The following CNTNAP2 variants were observed in gnomAD, a reference collection of about 807,000 sequenced individuals.
CNTNAP2 encodes the protein contactin-associated protein-like 2.
A neutral mutation model predicts 155.2 loss-of-function variants in CNTNAP2; 98 were observed. The observed-to-expected ratio is 0.63, with a 90% CI of 0.54 to 0.75. The LOEUF is 0.75. Among genes scored for constraint, CNTNAP2 ranks in the 30% least tolerant of loss-of-function variants. The probability of loss-of-function intolerance (pLI) is 0.00; values close to 1 mark genes in which losing one functional copy is unlikely to be tolerated. For missense variants in CNTNAP2, 1,727 were observed against 1,688.1 expected (o/e 1.02, Z -0.40); for synonymous variants, 651 against 631.2 (o/e 1.03, Z -0.47).
intron 1 of CNTNAP2, among the ~76,000 whole-genome samples, chr7:146,616,498 G>T (rs546825525): frequency 2.6e-5 from 4 of 152,106 alleles, no homozygotes; most frequent in Non-Finnish European, 5.9e-5. Context: ...CTACCTCTTC[G>T]TCACTTAACC....
intron 9 of CNTNAP2, among the ~76,000 whole-genome samples, chr7:147,300,679 A>T (rs1794931822): frequency 6.6e-6 from 1 of 152,186 alleles, no homozygotes; most frequent in Non-Finnish European, 1.5e-5. Context: ...TGGATCAGGA[A>T]TTCAGTAGTA....
intron 18 of CNTNAP2, among the ~76,000 whole-genome samples, chr7:148,208,931 T>G (rs757491694): frequency 1.3e-5 from 2 of 152,196 alleles, no homozygotes; most frequent in Non-Finnish European, 2.9e-5. Flanking sequence ...TGTCCCAGTT[T>G]GAAAAGGGTG....
chr7:146,685,325 T>A (rs1348960173), intron 1 of CNTNAP2, among the ~76,000 whole-genome samples: 1 of 152,132 alleles, frequency 6.6e-6, no homozygotes, highest in Non-Finnish European at 1.5e-5. Context: ...ATAGATGATT[T>A]TATGATTGCC....
chr7:147,684,002 C>A (rs988889630), intron 13 of CNTNAP2, among the ~76,000 whole-genome samples: 6 of 151,670 alleles, frequency 4.0e-5, no homozygotes, highest in African/African-American at 1.5e-4. Flanking sequence ...AGAGATGATG[C>A]CGGTTTGAAA....
intron 11 of CNTNAP2, among the ~76,000 whole-genome samples, chr7:147,504,928 G>A (rs1346053553): frequency 6.6e-6 from 1 of 151,558 alleles, no homozygotes; most frequent in African/African-American, 2.4e-5. Flanking sequence ...GATTAAATAT[G>A]CACACACACA....
intron 13 of CNTNAP2, among the ~76,000 whole-genome samples, chr7:147,834,959 A>G (rs567425187): frequency 6.6e-6 from 1 of 152,172 alleles, no homozygotes; most frequent in South Asian, 2.1e-4. Flanking sequence ...CTTTCTCTCC[A>G]CTTGCTCACA....
chr7:147,315,177 T>C (rs2116805851), intron 9 of CNTNAP2, among the ~76,000 whole-genome samples: 1 of 150,540 alleles, frequency 6.6e-6, no homozygotes, highest in East Asian at 1.9e-4. Flanking sequence ...AGGTATGAGG[T>C]TGGGCCCAGA....
intron 3 of CNTNAP2, among the ~76,000 whole-genome samples, chr7:146,976,374 C>T (rs1197046711): frequency 6.6e-6 from 1 of 152,132 alleles, no homozygotes; most frequent in African/African-American, 2.4e-5. Flanking sequence ...ATCCCACAGG[C>T]CTGCCCTCCA....
At chr7:146,682,404 C>G (rs1177052497) in intron 1 of CNTNAP2, among the ~76,000 whole-genome samples, 1 of 152,104 alleles carries the variant, frequency 6.6e-6, no homozygotes, top group Admixed American at 6.6e-5. Flanking sequence ...ATAGTAAGGA[C>G]CATGCTATCA....
At chr7:147,691,694 C>A (rs142881232) in intron 13 of CNTNAP2, among the ~76,000 whole-genome samples, 2,507 of 152,218 alleles carry the variant, frequency 0.016, 223 homozygotes, top group Admixed American at 0.15. Context: ...TTAATATTTT[C>A]AATAAGCTTT....
intron 15 of CNTNAP2, among the ~76,000 whole-genome samples, chr7:148,017,568 A>G (rs1459503329): frequency 6.6e-6 from 1 of 152,228 alleles, no homozygotes; most frequent in Admixed American, 6.5e-5. Flanking sequence ...TTCTGTATAT[A>G]TGTTCTAGTT....
chr7:147,438,704 G>A (rs79367529), intron 10 of CNTNAP2, among the ~76,000 whole-genome samples: 25,540 of 151,892 alleles, frequency 0.17, 2,270 homozygotes, highest in Non-Finnish European at 0.19. Flanking sequence ...ATTCAGCAGT[G>A]AAGCCATCAA....
chr7:147,374,320 A>G (rs543537991), intron 9 of CNTNAP2, among the ~76,000 whole-genome samples: 1 of 152,212 alleles, frequency 6.6e-6, no homozygotes, highest in East Asian at 1.9e-4. Flanking sequence ...TATTTGTAAC[A>G]TGTTTTTTTC....
intron 15 of CNTNAP2, among the ~76,000 whole-genome samples, chr7:148,042,084 A>C (rs887832431): frequency 1.3e-5 from 2 of 151,974 alleles, no homozygotes; most frequent in African/African-American, 2.4e-5. Context: ...GCTGCTGCCT[A>C]CTCTTTCGCC....
intron 1 of CNTNAP2, among the ~76,000 whole-genome samples, chr7:146,390,349 A>C (rs1423554208): frequency 6.6e-6 from 1 of 151,974 alleles, no homozygotes; most frequent in Admixed American, 6.5e-5. Flanking sequence ...GATCAAACTT[A>C]GTATCACCAC....
intron 13 of CNTNAP2, among the ~76,000 whole-genome samples, chr7:147,753,951 G>C (rs1042135297): frequency 6.6e-6 from 1 of 152,106 alleles, no homozygotes; most frequent in Non-Finnish European, 1.5e-5. Context: ...GTGAACTCAG[G>C]CTTTTGTCCC....
intron 9 of CNTNAP2, among the ~76,000 whole-genome samples, chr7:147,373,058 C>A (rs950936687): frequency 6.6e-6 from 1 of 152,062 alleles, no homozygotes; most frequent in African/African-American, 2.4e-5. Flanking sequence ...CACATCGTGT[C>A]CCTCGAAGAC....
At chr7:147,874,178 G>A (rs868026725) in intron 13 of CNTNAP2, among the ~76,000 whole-genome samples, 1 of 152,104 alleles carries the variant, frequency 6.6e-6, no homozygotes. Flanking sequence ...TCTGGAGGAC[G>A]GTGACGCTCT....
At chr7:146,361,445 C>T (rs1483039111) in intron 1 of CNTNAP2, among the ~76,000 whole-genome samples, 3 of 152,148 alleles carry the variant, frequency 2.0e-5, no homozygotes, top group African/African-American at 7.2e-5. Flanking sequence ...ATTTAAACTA[C>T]TTTCAATTTC....
Sources: allele counts gnomAD v4.1 joint callset (sites outside exome capture counted in the v4.1 genomes callset), GRCh38; gene constraint gnomAD v4.1.1; transcripts MANE v1.5; gene names NCBI Gene and HGNC (gene_info 2026-07-23, HGNC 2026-07-21).